SAMMSON: variants seen among roughly 807,000 people sequenced by gnomAD.
SAMMSON encodes the protein long intergenic non-protein coding RNA 1212.
chr3:70,218,127 A>T (rs532198589), intron 4 of SAMMSON, among the ~76,000 whole-genome samples: 1 of 152,296 alleles, frequency 6.6e-6, no homozygotes, highest in South Asian at 2.1e-4. Context: ...TATTTTCTTG[A>T]TAGTCCACTT....
At chr3:70,225,586 T>C (rs540171291) in intron 4 of SAMMSON, among the ~76,000 whole-genome samples, 7 of 151,444 alleles carry the variant, frequency 4.6e-5, no homozygotes, top group African/African-American at 1.7e-4. Flanking sequence ...AAAATCCTTT[T>C]CTCTGTAAAA....
intron 7 of SAMMSON, among the ~76,000 whole-genome samples, chr3:70,318,292 CT>C (rs1263178959): frequency 2.0e-5 from 3 of 151,874 alleles, no homozygotes; most frequent in African/African-American, 7.2e-5. Flanking sequence ...TTCATAGAGG[CT>C]TTGATCATTT....
intron 6 of SAMMSON, among the ~76,000 whole-genome samples, chr3:70,254,223 G>T (rs753036368): frequency 1.2e-4 from 18 of 152,218 alleles, no homozygotes; most frequent in African/African-American, 1.9e-4. Flanking sequence ...CAGCTGTGAA[G>T]TCTGCATTTG....
At chr3:70,002,930 T>G (rs1361291921) in intron 1 of SAMMSON, among the ~76,000 whole-genome samples, 1 of 152,176 alleles carries the variant, frequency 6.6e-6, no homozygotes, top group Non-Finnish European at 1.5e-5. Flanking sequence ...GTTGGCCTGA[T>G]AGTAGCAGAG....
At chr3:70,329,473 T>C (rs1240679110) in intron 7 of SAMMSON, among the ~76,000 whole-genome samples, 2 of 152,008 alleles carry the variant, frequency 1.3e-5, no homozygotes, top group Non-Finnish European at 2.9e-5. Flanking sequence ...ATCATGTATA[T>C]CAAAACTAAG....
intron 2 of SAMMSON, among the ~76,000 whole-genome samples, chr3:70,401,180 G>T (rs1308889934): frequency 1.3e-5 from 2 of 152,010 alleles, no homozygotes; most frequent in African/African-American, 2.4e-5. Context: ...ATGGACAAAG[G>T]TTTATCTCTC....
chr3:70,427,609 G>A (rs539195435), intron 2 of SAMMSON, among the ~76,000 whole-genome samples: 6 of 152,058 alleles, frequency 3.9e-5, no homozygotes, highest in East Asian at 3.9e-4. Context: ...ATGGTGGCGC[G>A]CGCCTGTAGT....
At chr3:70,403,389 G>T in intron 2 of SAMMSON, among the ~76,000 whole-genome samples, 1 of 152,156 alleles carries the variant, frequency 6.6e-6, no homozygotes, top group East Asian at 1.9e-4. Flanking sequence ...TGGATGACAG[G>T]TGTACAAGAG....
chr3:70,335,049 C>T (rs1702650752), intron 7 of SAMMSON, among the ~76,000 whole-genome samples: 1 of 102,504 alleles, frequency 9.8e-6, no homozygotes, highest in Non-Finnish European at 2.0e-5. Flanking sequence ...CACCCATAAA[C>T]CTACTGCTTT....
At chr3:70,151,472 A>G (rs1224698237) in intron 4 of SAMMSON, among the ~76,000 whole-genome samples, 4 of 152,044 alleles carry the variant, frequency 2.6e-5, no homozygotes, top group African/African-American at 7.2e-5. Context: ...TGTATTTGTC[A>G]TCCTTCAAGT....
At chr3:70,240,879 G>A (rs905454580) in intron 4 of SAMMSON, among the ~76,000 whole-genome samples, 1 of 152,108 alleles carries the variant, frequency 6.6e-6, no homozygotes, top group African/African-American at 2.4e-5. Flanking sequence ...GACAGAATTA[G>A]GGTACTTGAT....
intron 6 of SAMMSON, among the ~76,000 whole-genome samples, chr3:70,258,941 T>C (rs1290478983): frequency 6.6e-6 from 1 of 152,156 alleles, no homozygotes; most frequent in East Asian, 1.9e-4. Context: ...CTTATTTTTA[T>C]CATTGAAATT....
chr3:70,158,764 T>C (rs1384228886), intron 4 of SAMMSON, among the ~76,000 whole-genome samples: 3 of 152,046 alleles, frequency 2.0e-5, no homozygotes, highest in Non-Finnish European at 4.4e-5. Context: ...TAGAGTTAAA[T>C]CAAAACCTCT....
intron 4 of SAMMSON, among the ~76,000 whole-genome samples, chr3:70,209,860 G>C (rs1308778166): frequency 6.6e-6 from 1 of 152,032 alleles, no homozygotes; most frequent in South Asian, 2.1e-4. Flanking sequence ...TCTTTGCAAA[G>C]CAAAACTACC....
chr3:70,421,227 A>T (rs115997640), intron 2 of SAMMSON, among the ~76,000 whole-genome samples: 1,628 of 152,280 alleles, frequency 0.011, 23 homozygotes, highest in African/African-American at 0.037. Context: ...GACTCTCGGC[A>T]TAAGGAAAAA....
At chr3:70,370,812 T>A (rs1231070239) in intron 9 of SAMMSON, among the ~76,000 whole-genome samples, 1 of 152,080 alleles carries the variant, frequency 6.6e-6, no homozygotes, top group Non-Finnish European at 1.5e-5. Flanking sequence ...AGGAACTTTT[T>A]AGTTTAATAT....
intron 4 of SAMMSON, among the ~76,000 whole-genome samples, chr3:70,245,673 A>T (rs1362229472): frequency 4.0e-5 from 2 of 50,330 alleles, no homozygotes; most frequent in Non-Finnish European, 3.4e-5. Flanking sequence ...AAACTGCTTT[A>T]TATATATATA....
At chr3:70,062,174 C>T (rs1672029160) in intron 3 of SAMMSON, among the ~76,000 whole-genome samples, 1 of 152,014 alleles carries the variant, frequency 6.6e-6, no homozygotes. Context: ...GCCCGTTTCC[C>T]CACTTCATTC....
At chr3:70,073,093 T>A (rs1339127732) in intron 4 of SAMMSON, among the ~76,000 whole-genome samples, 1 of 151,964 alleles carries the variant, frequency 6.6e-6, no homozygotes, top group Non-Finnish European at 1.5e-5. Flanking sequence ...TGTTTTAGGT[T>A]TGCCTAGCAT....
Sources: allele counts gnomAD v4.1 joint callset (sites outside exome capture counted in the v4.1 genomes callset), GRCh38; gene constraint gnomAD v4.1.1; transcripts MANE v1.5; gene names NCBI Gene and HGNC (gene_info 2026-07-23, HGNC 2026-07-21).